The following JAM3 variants were observed in gnomAD, a reference collection of about 807,000 sequenced individuals.
JAM3 encodes junctional adhesion molecule C.
Under a neutral mutation model 39.4 loss-of-function variants are expected in JAM3, and 31 were observed. The ratio of observed to expected loss-of-function variants is 0.79; its 90% CI spans 0.59 to 1.06. The LOEUF (loss-of-function observed/expected upper bound fraction) is 1.06. Ranked by LOEUF, JAM3 falls within the 50% of genes least tolerant of loss-of-function variation. The pLI is 0.00. For missense variants in JAM3, 455 were observed against 391.4 expected (o/e 1.16, Z -1.37); for synonymous variants, 182 against 148.7 (o/e 1.22, Z -1.63).
chr11:134,139,728 AT>A lies in JAM3; in HGVS notation c.77-118del, dbSNP rs1942940106. 40 of 777,312 alleles carry A rather than the reference AT, an allele frequency of 5.1e-5. 1 individual carries two copies. The South Asian group carries it at 5.3e-4, about 10-fold the overall frequency. 48.2% of individuals were successfully genotyped at this position (777,312 alleles called of 1,614,324 possible). A position where few individuals can be genotyped will look rare whatever the true frequency, so the allele number is the denominator to read the frequency against. ...TACCTAAGAGACTTTATTGTGGAAT[AT>A]TTTTCCATCCTCTGTGGTTAGTAAC... On this transcript the variant is annotated intron_variant, in intron 1 of 8. Transcript: ENST00000299106.
At chr11:134,126,008 C>T (rs532770868) in intron 1 of JAM3, among the ~76,000 whole-genome samples, 5 of 152,150 alleles carry the variant, frequency 3.3e-5, no homozygotes, top group Admixed American at 1.3e-4. Context: ...GTCTCACTTT[C>T]CTCTGTCCTT....
rs779377799 is a variant in JAM3, at chr11:134,144,962, T to C, written c.580T>C (p.Ser194Pro). The change falls in exon 5 of 9, where the codon TCT becomes CCT. Residue 194 changes from serine (S) to proline (P), a missense_variant. Physicochemically the swap from Ser to Pro is moderately conservative, Grantham distance 74. Transcript: ENST00000299106. ...SRANPRFRNSSFHLNSETGTL... is the reference protein window; with the variant it reads ...SRANPRFRNSPFHLNSETGTL... ...AGCCAATCCCAGATTTCGCAATTCT[T>C]CTTTCCACTTAAACTCTGAAACAGG... is the stretch of plus-strand genomic sequence containing the variant. 1.2e-6 allele frequency: 2 copies of C among 1,614,214 alleles called. No homozygotes were observed. Among genetic ancestry groups the C allele is most frequent in the Non-Finnish European group, 1.7e-6 (2 of 1,180,020 alleles).
At chr11:134,121,583 A>C (rs760384250) in intron 1 of JAM3, among the ~76,000 whole-genome samples, 1 of 152,082 alleles carries the variant, frequency 6.6e-6, no homozygotes, top group Non-Finnish European at 1.5e-5. Flanking sequence ...ACATCTCTCT[A>C]TGTCAAACTG....
chr11:134,091,621 C>A (rs1452087705), intron 1 of JAM3, among the ~76,000 whole-genome samples: 1 of 66,654 alleles, frequency 1.5e-5, no homozygotes, highest in African/African-American at 4.5e-5. Flanking sequence ...CAGAGTAAAA[C>A]CCCGTGTCAA....
At chr11:134,149,069 A>T in intron 8 of JAM3, 77 bp from the exon 9 acceptor site, 1 of 1,531,188 alleles carries the variant, frequency 6.5e-7, no homozygotes, top group Non-Finnish European at 9.1e-7. Context: ...TATTTAGCCC[A>T]TGTTAGACTT....
chr11:134,111,126 C>T lies in JAM3; in HGVS notation c.77-28725C>T, dbSNP rs2045896371. The stretch of plus-strand genomic sequence containing the variant: ...ACATGCCTGTACCATACCCAACACA[C>T]ATCCATCTTTTTTTTTTTTTTTTTT... On this transcript the variant is annotated intron_variant, in intron 1 of 8. Coordinates refer to ENST00000299106, the MANE Select transcript of JAM3 (RefSeq NM_032801.5). Among the ~76,000 whole-genome samples the T allele has an allele frequency of 5.0e-5, 7 of 139,712 alleles. No individual in the cohort carries two copies. The South Asian group carries it at 1.6e-3, about 32-fold the overall frequency. 91.7% of individuals were successfully genotyped at this position (139,712 alleles called of 152,430 possible).
intron 1 of JAM3, among the ~76,000 whole-genome samples, chr11:134,075,353 G>A (rs1181982321): frequency 6.6e-6 from 1 of 152,206 alleles, no homozygotes. Flanking sequence ...GGATGGGAAA[G>A]TGGAGGAAAT....
At chr11:134,070,166 T>C (rs759164424) in intron 1 of JAM3, 32 of 456,122 alleles carry the variant, frequency 7.0e-5, no homozygotes, top group Middle Eastern at 3.2e-4. Context: ...ATTAATCCAT[T>C]TTCAGAGTCA....
chr11:134,125,560 C>T (rs180945607), intron 1 of JAM3, among the ~76,000 whole-genome samples: 21 of 152,220 alleles, frequency 1.4e-4, no homozygotes, highest in African/African-American at 3.6e-4. Context: ...CTGGTTTTTA[C>T]TTTGTACTTG....
rs115021165 is a variant in JAM3, at chr11:134,137,594, G to A, written c.77-2257G>A. ...CCCTTAGAGCCAGTGGTGGTGCCTC[G>A]TCGAAGTCATGGTGCTCATACTGAG... On this transcript the variant is annotated intron_variant, in intron 1 of 8. Transcript: ENST00000299106. 3.5e-3 allele frequency among the ~76,000 whole-genome samples: 531 copies of A among 152,248 alleles called. 1 individual carries two copies. The highest frequency in any genetic ancestry group is 0.012 in the African/African-American group (503 of 41,530).
chr11:134,136,500 A>G (rs553217705), intron 1 of JAM3, among the ~76,000 whole-genome samples: 76 of 152,350 alleles, frequency 5.0e-4, no homozygotes, highest in African/African-American at 1.7e-3. Flanking sequence ...GGGGATGGGC[A>G]AGAAAGGAGC....
intron 1 of JAM3, among the ~76,000 whole-genome samples, chr11:134,137,213 AGTT>A (rs1942883131): frequency 6.6e-6 from 1 of 151,908 alleles, no homozygotes; most frequent in East Asian, 1.9e-4. Flanking sequence ...GCTTCTTTGA[AGTT>A]GTAAGAAACA....
rs74711900 is a variant in JAM3, at chr11:134,120,229, C to T, written c.77-19622C>T. On this transcript the variant is annotated intron_variant, in intron 1 of 8. Transcript: ENST00000299106. ...TTCTCCACTAGAAAGCCTGCGCTGCCGTTGTATGTTTAGGCTTGAGCCTCA... is the reference window on the plus strand; with the variant it reads ...TTCTCCACTAGAAAGCCTGCGCTGCTGTTGTATGTTTAGGCTTGAGCCTCA... 5.7e-3 allele frequency among the ~76,000 whole-genome samples: 864 copies of T among 152,334 alleles called. 8 individuals carry two copies. Among genetic ancestry groups the T allele is most frequent in the African/African-American group, 0.02 (811 of 41,580 alleles).
At chr11:134,135,245 T>G (rs1431209379) in intron 1 of JAM3, among the ~76,000 whole-genome samples, 1 of 152,276 alleles carries the variant, frequency 6.6e-6, no homozygotes, top group African/African-American at 2.4e-5. Context: ...GATATCCAGT[T>G]TTCCCAGCAC....
chr11:134,118,876 G>C (rs539884647), intron 1 of JAM3, among the ~76,000 whole-genome samples: 1 of 151,866 alleles, frequency 6.6e-6, no homozygotes, highest in African/African-American at 2.4e-5. Context: ...CAGGTTAGCC[G>C]TTTCTTCGAA....
chr11:134,099,840 C>T (rs1258221238), intron 1 of JAM3, among the ~76,000 whole-genome samples: 9 of 152,118 alleles, frequency 5.9e-5, no homozygotes, highest in Admixed American at 3.9e-4. Context: ...CTCCAGACCT[C>T]GTCATCCGCC....
intron 1 of JAM3, among the ~76,000 whole-genome samples, chr11:134,077,473 C>T (rs1941589527): frequency 6.6e-6 from 1 of 150,922 alleles, no homozygotes; most frequent in Admixed American, 6.6e-5. Context: ...AAGTGATTCT[C>T]CTGCTTCAGC....
chr11:134,075,711 A>G (rs946370545), intron 1 of JAM3, among the ~76,000 whole-genome samples: 4 of 152,064 alleles, frequency 2.6e-5, no homozygotes, highest in African/African-American at 9.7e-5. Flanking sequence ...ATGGGCATAC[A>G]CCACCATGCC....
At chr11:134,119,050 C>A (rs957204873) in intron 1 of JAM3, among the ~76,000 whole-genome samples, 12 of 150,830 alleles carry the variant, frequency 8.0e-5, no homozygotes, top group Admixed American at 1.3e-4. Flanking sequence ...CTCACTGCAG[C>A]CTTTACCTCC....
Sources: allele counts gnomAD v4.1 joint callset (sites outside exome capture counted in the v4.1 genomes callset), GRCh38; gene constraint gnomAD v4.1.1; transcripts MANE v1.5; gene names NCBI Gene and HGNC (gene_info 2026-07-23, HGNC 2026-07-21).